The following SUN5 variants were observed in gnomAD, a reference collection of about 807,000 sequenced individuals.
The protein encoded by SUN5 is Sad1 and UNC84 domain containing 5, also known as SUN domain-containing protein 5.
SUN5 carries 44 observed loss-of-function variants against 53.7 expected under a neutral mutation model. The observed-to-expected ratio is 0.82, with a 90% CI of 0.64 to 1.05. SUN5 has a LOEUF of 1.05. Among genes scored for constraint, SUN5 ranks in the 50% least tolerant of loss-of-function variants. The pLI is 0.00. For missense variants in SUN5, 433 were observed against 483.8 expected (o/e 0.90, Z 0.98); for synonymous variants, 166 against 179.8 (o/e 0.92, Z 0.62).
chr20:32,987,650 T>TC lies in SUN5; in HGVS notation c.729+9dup, dbSNP rs763144762. 7.4e-6 allele frequency: 11 copies of TC among 1,487,108 alleles called. No homozygotes were observed. Among genetic ancestry groups the TC allele is most frequent in the Middle Eastern group, 1.8e-4 (1 of 5,492 alleles). 92.1% of individuals were successfully genotyped at this position (1,487,108 alleles called of 1,614,324 possible). A position where few individuals can be genotyped will look rare whatever the true frequency, so the allele number is the denominator to read the frequency against. ...CCTGCCGCTGTCCCATCTCCCGCCA[T>TC]CCCCCCTGCCTCAAGGATCACGTCT... On this transcript the variant is annotated intron_variant, in intron 10 of 12. Transcript: ENST00000356173.
intron 8 of SUN5, among the ~76,000 whole-genome samples, chr20:32,991,918 G>A (rs553811194): frequency 1.2e-4 from 19 of 152,326 alleles, no homozygotes; most frequent in Non-Finnish European, 2.2e-4. Flanking sequence ...GCACAGGAGA[G>A]GAGAAAACCA....
intron 9 of SUN5, among the ~76,000 whole-genome samples, chr20:32,988,490 A>G (rs546530815): frequency 3.3e-5 from 5 of 152,184 alleles, no homozygotes; most frequent in Non-Finnish European, 7.4e-5. Context: ...TCTCAGCCCA[A>G]ACGTTCTCCT....
In SUN5 at chr20:32,987,760, A is replaced by C. The variant is rs751811907; in HGVS notation, c.629T>G (p.Phe210Cys). ...GTTATAGGTGACTGACGTGTGCTCA[A>C]AGTCAATGCTGGCCCCTGTATAGGA... ...ALKSIGASID[F>C]EHTSVTYNHE... The change falls in exon 10 of 13, where the codon TTT becomes TGT. Residue 210 changes from phenylalanine (F) to cysteine (C), a missense_variant. By Grantham distance (205) the Phe-to-Cys change is radical (BLOSUM62 -2). Coordinates refer to ENST00000356173, the MANE Select transcript of SUN5 (RefSeq NM_080675.4). The C allele has an allele frequency of 3.7e-6, 6 of 1,612,512 alleles. No individual in the cohort carries two copies. The East Asian group carries it at 1.3e-4, about 36-fold the overall frequency.
At chr20:33,001,567 C>CT (rs1362823574) in intron 3 of SUN5, among the ~76,000 whole-genome samples, 464 of 31,126 alleles carry the variant, frequency 0.015, 2 homozygotes, top group African/African-American at 0.059. Flanking sequence ...TCTTTCTTTT[C>CT]TTCCTTCCTT....
intron 1 of SUN5, 104 bp from the exon 2 acceptor site, chr20:33,003,023 A>T: frequency 7.5e-7 from 1 of 1,335,890 alleles, no homozygotes. Flanking sequence ...GGTACAGAGA[A>T]GGTTTCCCAA....
At chr20:32,989,508 G>C in intron 9 of SUN5, 112 bp downstream of exon 9, 3 of 733,160 alleles carry the variant, frequency 4.1e-6, no homozygotes. Flanking sequence ...TTGGAACAGA[G>C]GATGAACTTC....
At chr20:33,001,406 G>A in intron 3 of SUN5, 128 bp from the exon 4 acceptor site, 2 of 1,009,196 alleles carry the variant, frequency 2.0e-6, no homozygotes, top group African/African-American at 1.6e-5. Flanking sequence ...TGTTGGCCGA[G>A]CCTGGGACAG....
chr20:33,001,566 T>TCTTC (rs72331042), intron 3 of SUN5, among the ~76,000 whole-genome samples: 6,255 of 45,110 alleles, frequency 0.14, 278 homozygotes, highest in African/African-American at 0.33. Flanking sequence ...TTCTTTCTTT[T>TCTTC]CTTCCTTCCT....
In SUN5 at chr20:33,004,417, A is replaced by G; in HGVS notation, c.-77T>C. 6.8e-7 allele frequency: 1 copy of G among 1,465,804 alleles called. No homozygotes were observed. The allele number at this position is 1,465,804 out of a possible 1,614,324, so 90.8% of individuals were successfully genotyped here. A position where few individuals can be genotyped will look rare whatever the true frequency, so the allele number is the denominator to read the frequency against. On this transcript the variant is annotated 5_prime_UTR_variant, in exon 1 of 13. Coordinates refer to ENST00000356173, the MANE Select transcript of SUN5 (RefSeq NM_080675.4). ...GAGGAGGAAGGGGCTGATGCCTCTGAATGTCCCCTGAAAAGTGCCAAGTGG... is the reference window on the plus strand; with the variant it reads ...GAGGAGGAAGGGGCTGATGCCTCTGGATGTCCCCTGAAAAGTGCCAAGTGG...
In SUN5 at chr20:32,995,708, G is replaced by A. The variant is rs375945835; in HGVS notation, c.445C>T (p.Arg149Ter). 3.8e-5 allele frequency: 62 copies of A among 1,613,984 alleles called. No homozygotes were observed. Among genetic ancestry groups the A allele is most frequent in the Non-Finnish European group, 4.7e-5 (56 of 1,179,952 alleles). The change falls in exon 8 of 13, where the codon CGA becomes TGA. Residue 149 changes from arginine to a stop codon, truncating the protein, a stop_gained. Transcript: ENST00000356173. LOFTEE classifies it high-confidence loss of function. ...QSLRLYQEKV[R>*]HHSGEIQDLR... ...TCCTGGATTTCCCCACTGTGATGTC[G>A]CACCTTCTCCTGGTACAACCTTATC...
chr20:32,985,953 A>G, intron 10 of SUN5, 50 bp from the exon 11 acceptor site: 1 of 1,574,958 alleles, frequency 6.3e-7, no homozygotes. Context: ...TAGGGGGATC[A>G]TCCCACCTTT....
intron 10 of SUN5, among the ~76,000 whole-genome samples, chr20:32,987,110 A>G (rs529467176): frequency 6.6e-6 from 1 of 152,294 alleles, no homozygotes; most frequent in African/African-American, 2.4e-5. Context: ...CTGCTTTGTG[A>G]CCAGGACAAG....
chr20:32,984,477 C>T (rs1019672132), intron 12 of SUN5, among the ~76,000 whole-genome samples: 16 of 152,250 alleles, frequency 1.1e-4, no homozygotes, highest in South Asian at 8.3e-4. Context: ...AAAAGTGGGG[C>T]GGGCTTGGCC....
chr20:33,000,471 A>T lies in SUN5; in HGVS notation c.279-336T>A, dbSNP rs376145912. On this transcript the variant is annotated intron_variant, in intron 4 of 12. Coordinates refer to ENST00000356173, the MANE Select transcript of SUN5 (RefSeq NM_080675.4). ...TCAAATGAATGAATGAATGAGGTGGATATATCTGCTGGAGTTTGGAAGAAT... is the reference window on the plus strand; with the variant it reads ...TCAAATGAATGAATGAATGAGGTGGTTATATCTGCTGGAGTTTGGAAGAAT... Among the ~76,000 whole-genome samples, 163 of 152,328 alleles carry T rather than the reference A, an allele frequency of 1.1e-3. 3 individuals are homozygous for T. In the South Asian group the frequency reaches 0.029, roughly 27 times the overall value.
chr20:32,985,326 G>A (rs888491815), intron 11 of SUN5, 141 bp from the exon 12 acceptor site: 1 of 709,578 alleles, frequency 1.4e-6, no homozygotes, highest in South Asian at 1.8e-5. Flanking sequence ...GTGGCACAGT[G>A]TAATGAATAG....
At chr20:32,989,019 G>A (rs528238358) in intron 9 of SUN5, among the ~76,000 whole-genome samples, 4 of 151,156 alleles carry the variant, frequency 2.6e-5, no homozygotes, top group South Asian at 2.1e-4. Flanking sequence ...TCTGCCTCCC[G>A]GGTTTACCCC....
rs772850628 is a variant in SUN5 at position 32,997,625 on chromosome 20, G to A, written c.390+13C>T. 1 of 1,613,732 alleles carries A rather than the reference G, an allele frequency of 6.2e-7. No homozygotes were observed. Among genetic ancestry groups the A allele is most frequent in the Non-Finnish European group, 8.5e-7 (1 of 1,179,816 alleles). ...CCTGTCAGCTGTGGGGCCTGAGGAGGGTGCACACTCACCTGCCAGACTTTC... is the reference window on the plus strand; with the variant it reads ...CCTGTCAGCTGTGGGGCCTGAGGAGAGTGCACACTCACCTGCCAGACTTTC... On this transcript the variant is annotated intron_variant, in intron 6 of 12. Transcript: ENST00000356173.
intron 12 of SUN5, among the ~76,000 whole-genome samples, chr20:32,984,586 T>TG (rs1255757972): frequency 6.6e-6 from 1 of 152,242 alleles, no homozygotes; most frequent in Non-Finnish European, 1.5e-5. Flanking sequence ...AATTTGTGGT[T>TG]GGGCAGAAAT....
At chr20:32,988,195 C>T (rs933343246) in intron 9 of SUN5, among the ~76,000 whole-genome samples, 2 of 152,136 alleles carry the variant, frequency 1.3e-5, no homozygotes, top group African/African-American at 4.8e-5. Flanking sequence ...GCGCTCCCCA[C>T]GTAACAGTCT....
Sources: allele counts gnomAD v4.1 joint callset (sites outside exome capture counted in the v4.1 genomes callset), GRCh38; gene constraint gnomAD v4.1.1; transcripts MANE v1.5; gene names NCBI Gene and HGNC (gene_info 2026-07-23, HGNC 2026-07-21).